Variants in TCF24 observed in about 807,000 individuals in gnomAD.
TCF24 encodes the protein transcription factor 24.
TCF24 carries 5 observed loss-of-function variants against 9.3 expected under a neutral mutation model. That is an observed-to-expected ratio of 0.54 (90% CI 0.28 to 1.13). The LOEUF is 1.13. Among genes scored for constraint, TCF24 ranks in the 50% most tolerant of loss-of-function variants. TCF24 has a pLI of 0.09. For missense variants in TCF24, 220 were observed against 236.1 expected (o/e 0.93, Z 0.45); for synonymous variants, 110 against 115.8 (o/e 0.95, Z 0.32).
Position 66,947,915 on chromosome 8 carries a change from A to C in TCF24, c.*136T>G, listed in dbSNP as rs1325380943. ...ATTTCATTCCACATTTAGACAGATA[A>C]ACCTGAACATCCAACTATGGGTTCA... is the stretch of plus-strand genomic sequence containing the variant. On this transcript the variant is annotated 3_prime_UTR_variant, in exon 4 of 4. Coordinates refer to ENST00000563496, the MANE Select transcript of TCF24 (RefSeq NM_001193502.2). The C allele has an allele frequency of 2.2e-5, 13 of 597,150 alleles. No individual in the cohort carries two copies. Among genetic ancestry groups the C allele is most frequent in the Non-Finnish European group, 3.4e-5 (12 of 354,460 alleles). The allele number at this position is 597,150 out of a possible 1,614,324, so 37.0% of individuals were successfully genotyped here. A position where few individuals can be genotyped will look rare whatever the true frequency, so the allele number is the denominator to read the frequency against.
intron 3 of TCF24, among the ~76,000 whole-genome samples, chr8:66,948,744 G>A (rs201731182): frequency 6.6e-6 from 1 of 151,906 alleles, no homozygotes; most frequent in African/African-American, 2.4e-5. Flanking sequence ...TACCCAGGCT[G>A]GAGTGCAGTG....
At chr8:66,955,256 A>T (rs1026975553) in intron 3 of TCF24, 1 of 152,202 alleles carries the variant, frequency 6.6e-6, no homozygotes, top group Non-Finnish European at 1.5e-5. Context: ...TGATGAAAAA[A>T]CATATTACAT....
Position 66,961,472 on chromosome 8 carries a change from G to A in TCF24, c.294C>T (p.Ile98=). The change falls in exon 3 of 4, where the codon ATC becomes ATT. Residue 98 remains isoleucine (I), a synonymous_variant. Coordinates refer to ENST00000563496, the MANE Select transcript of TCF24 (RefSeq NM_001193502.2). ...LDVLLLATTY[I]AHLTRSLQDD... is the part of the protein sequence containing the mutation. Reference sequence around the variant, plus strand: ...CCTGCAGGCTGCGGGTGAGATGCGCGATGTAGGTGGTGGCCAGCAGCAGCA... The same window carrying A: ...CCTGCAGGCTGCGGGTGAGATGCGCAATGTAGGTGGTGGCCAGCAGCAGCA... 6.5e-7 allele frequency: 1 copy of A among 1,528,144 alleles called. No individual in the cohort carries two copies. Among genetic ancestry groups the A allele is most frequent in the Non-Finnish European group, 8.7e-7 (1 of 1,144,032 alleles). 94.7% of individuals were successfully genotyped at this position (1,528,144 alleles called of 1,614,324 possible).
Position 66,958,050 on chromosome 8 carries a change from G to A in TCF24, c.390+3326C>T, listed in dbSNP as rs185715123. On this transcript the variant is annotated intron_variant, in intron 3 of 3. Coordinates refer to ENST00000563496, the MANE Select transcript of TCF24 (RefSeq NM_001193502.2). ...GTGAAATTGTGCCTCCTTTTTCATG[G>A]ATTAATAAAATAAATATTCTTTTTT... Among the ~76,000 whole-genome samples, 923 of 152,048 alleles carry A rather than the reference G, an allele frequency of 6.1e-3. 9 individuals are homozygous for A. Among genetic ancestry groups the A allele is most frequent in the Middle Eastern group, 0.024 (7 of 294 alleles).
chr8:66,957,314 G>A (rs1179840338), intron 3 of TCF24, among the ~76,000 whole-genome samples: 1 of 149,434 alleles, frequency 6.7e-6, no homozygotes, highest in African/African-American at 2.5e-5. Flanking sequence ...CTACTTGGGA[G>A]GCTGAGGCAG....
At chr8:66,949,858 G>A (rs1378655578) in intron 3 of TCF24, among the ~76,000 whole-genome samples, 4 of 143,180 alleles carry the variant, frequency 2.8e-5, no homozygotes, top group Non-Finnish European at 6.1e-5. Flanking sequence ...GATGGCCAGT[G>A]ATGATGAGCA....
At chr8:66,951,827 G>T (rs1334448094) in intron 3 of TCF24, among the ~76,000 whole-genome samples, 7 of 151,826 alleles carry the variant, frequency 4.6e-5, no homozygotes, top group Non-Finnish European at 1.0e-4. Context: ...TCTTGGGAGA[G>T]TGTATGTGTC....
In TCF24 at chr8:66,961,625, G is replaced by A. The variant is rs1814256765; in HGVS notation, c.141C>T (p.Ser47=). 3.9e-6 allele frequency: 5 copies of A among 1,273,448 alleles called. No individual in the cohort carries two copies. Among genetic ancestry groups the A allele is most frequent in the East Asian group, 6.3e-5 (2 of 31,690 alleles). The allele number at this position is 1,273,448 out of a possible 1,614,324, so 78.9% of individuals were successfully genotyped here. A position where few individuals can be genotyped will look rare whatever the true frequency, so the allele number is the denominator to read the frequency against. ...CCGCATTCGCCGCCGCCGGCCGCCCGCTCCCGGAACGCGAGCCGCCCCCAG... is the reference window on the plus strand; with the variant it reads ...CCGCATTCGCCGCCGCCGGCCGCCCACTCCCGGAACGCGAGCCGCCCCCAG... The part of the protein sequence containing the change: ...AGPGGGSRSG[S]GRPAAANAAR... The change falls in exon 3 of 4, where the codon AGC becomes AGT. Residue 47 remains serine, a synonymous_variant. Transcript: ENST00000563496.
At position 66,961,643 on chromosome 8, in the gene TCF24, GC is replaced by G. The variant is rs1317228074; in HGVS notation, c.122del (p.Gly41AlafsTer107). 1.6e-6 allele frequency: 2 copies of G among 1,213,096 alleles called. No individual in the cohort carries two copies. The highest frequency in any genetic ancestry group is 1.0e-6 in the Non-Finnish European group (1 of 978,412). The allele number at this position is 1,213,096 out of a possible 1,614,324, so 75.1% of individuals were successfully genotyped here. On this transcript the variant is annotated frameshift_variant, in exon 3 of 4. Transcript: ENST00000563496. LOFTEE classifies it high-confidence loss of function. Reference protein sequence around the residue: ...RTGPGPAGPGGGSRSGSGRPA... With the variant: ...RTGPGPAGPGXGSRSGSGRPA... Reference sequence around the variant, plus strand: ...GCCGCCCGCTCCCGGAACGCGAGCCGCCCCCAGGGCCCGCCGGCCCCGGCCC... The same window carrying G: ...GCCGCCCGCTCCCGGAACGCGAGCCGCCCCAGGGCCCGCCGGCCCCGGCCC...
At chr8:66,952,565 T>C (rs1370019973) in intron 3 of TCF24, among the ~76,000 whole-genome samples, 1 of 151,800 alleles carries the variant, frequency 6.6e-6, no homozygotes, top group African/African-American at 2.4e-5. Flanking sequence ...AAAAAATGCA[T>C]ATTCTGTTGA....
intron 3 of TCF24, among the ~76,000 whole-genome samples, chr8:66,955,595 C>A (rs1814140877): frequency 6.6e-6 from 1 of 152,202 alleles, no homozygotes; most frequent in Non-Finnish European, 1.5e-5. Flanking sequence ...TGCCAAAGAA[C>A]ATTAAGAGCT....
chr8:66,948,653 A>AGCT (rs1563404669), intron 3 of TCF24, among the ~76,000 whole-genome samples: 2 of 143,666 alleles, frequency 1.4e-5, no homozygotes, highest in Non-Finnish European at 3.0e-5. Context: ...GAAAAGTGTC[A>AGCT]ACTATCTATC....
chr8:66,955,938 A>T (rs1021371298), intron 3 of TCF24, among the ~76,000 whole-genome samples: 42 of 150,738 alleles, frequency 2.8e-4, no homozygotes, highest in African/African-American at 9.8e-4. Flanking sequence ...TTTTATTATT[A>T]TTTTTTTTTA....
At chr8:66,955,314 A>G (rs981256928) in intron 3 of TCF24, among the ~76,000 whole-genome samples, 2 of 152,216 alleles carry the variant, frequency 1.3e-5, no homozygotes, top group Admixed American at 6.5e-5. Context: ...GGCAGGTGTC[A>G]TATAATCAGT....
In TCF24 at chr8:66,961,522, C is replaced by T; in HGVS notation, c.244G>A (p.Asp82Asn). The change falls in exon 3 of 4, where the codon GAC (aspartate) becomes AAC (asparagine). Residue 82 changes from aspartate (D) to asparagine (N), a missense_variant. By Grantham distance (23) the Asp-to-Asn change is conservative. Transcript: ENST00000563496. ...LQRTLPSVPP[D>N]TKLSKLDVLL... ...ACGTCCAGCTTGGACAGCTTGGTGT[C>T]GGGCGGCACGGACGGCAGCGTGCGC... 1 of 1,514,972 alleles carries T rather than the reference C, an allele frequency of 6.6e-7. No homozygotes were observed. Among genetic ancestry groups the T allele is most frequent in the Non-Finnish European group, 8.8e-7 (1 of 1,138,568 alleles). The allele number at this position is 1,514,972 out of a possible 1,614,324, so 93.8% of individuals were successfully genotyped here.
At chr8:66,951,745 A>G (rs369371327) in intron 3 of TCF24, among the ~76,000 whole-genome samples, 2 of 151,842 alleles carry the variant, frequency 1.3e-5, no homozygotes, top group African/African-American at 4.8e-5. Flanking sequence ...TGGTTGGTAA[A>G]CTATTGATTA....
intron 3 of TCF24, among the ~76,000 whole-genome samples, chr8:66,956,667 AAT>A (rs1280678816): frequency 1.3e-5 from 2 of 152,112 alleles, no homozygotes; most frequent in Non-Finnish European, 2.9e-5. Flanking sequence ...CAGCCAAACT[AAT>A]ATGTTTTAGA....
chr8:66,956,861 G>C (rs1463444417), intron 3 of TCF24, among the ~76,000 whole-genome samples: 1 of 152,008 alleles, frequency 6.6e-6, no homozygotes, highest in African/African-American at 2.4e-5. Flanking sequence ...AGGCCTTTGG[G>C]AGGTAAAAAG....
At chr8:66,953,200 T>C (rs1446670216) in intron 3 of TCF24, among the ~76,000 whole-genome samples, 1 of 152,152 alleles carries the variant, frequency 6.6e-6, no homozygotes, top group Non-Finnish European at 1.5e-5. Flanking sequence ...TCGATGATCT[T>C]TACATTTTGA....
Sources: allele counts gnomAD v4.1 joint callset (sites outside exome capture counted in the v4.1 genomes callset), GRCh38; gene constraint gnomAD v4.1.1; transcripts MANE v1.5; gene names NCBI Gene and HGNC (gene_info 2026-07-23, HGNC 2026-07-21).